Variants in C7 observed in about 807,000 individuals in gnomAD.
C7 encodes the protein complement C7, also known as complement component C7.
C7 carries 83 observed loss-of-function variants against 104.8 expected under a neutral mutation model. The observed-to-expected ratio is 0.79, with a 90% CI of 0.66 to 0.95. C7 has a LOEUF of 0.95. Ranked by LOEUF, C7 falls within the 40% of genes least tolerant of loss-of-function variation. C7 has a pLI of 0.00. For missense variants in C7, 1,070 were observed against 1,011.2 expected, an observed-to-expected ratio of 1.06 and a Z score of -0.79; for synonymous variants, 415 against 360.6, an observed-to-expected ratio of 1.15 and a Z score of -1.71.
intron 5 of C7, 69 bp from the exon 6 acceptor site, chr5:40,937,483 C>A (rs1739840350): frequency 3.3e-6 from 5 of 1,501,964 alleles, no homozygotes; most frequent in South Asian, 2.8e-5. Flanking sequence ...ACTTTTTTCC[C>A]CACCAAGTGC....
At chr5:40,969,250 TCAAA>T (rs1286501983) in intron 14 of C7, among the ~76,000 whole-genome samples, 2 of 120,802 alleles carry the variant, frequency 1.7e-5, no homozygotes, top group African/African-American at 7.3e-5. Flanking sequence ...ATCAATTACT[TCAAA>T]CATTTATGTT....
At chr5:40,952,120 A>G (rs1392168840) in intron 9 of C7, among the ~76,000 whole-genome samples, 1 of 152,248 alleles carries the variant, frequency 6.6e-6, no homozygotes, top group African/African-American at 2.4e-5. Context: ...CTGCTTACCA[A>G]TTTTATTTTA....
rs1429664375 is a variant in C7, at chr5:40,979,862, C to T, written c.2303C>T (p.Ser768Leu). Reference protein sequence around the residue: ...TGRDSCTLPASAEKACGACPL... With the variant: ...TGRDSCTLPALAEKACGACPL... ...AGGGACAGCTGTACTCTGCCTGCCT[C>T]AGCTGAGAAAGCTTGTGGTGCCTGC... is the stretch of plus-strand genomic sequence containing the variant. Residue 768 changes from serine to leucine, a missense_variant, in exon 17 of 18, where the codon TCA becomes TTA. Physicochemically the swap from Ser to Leu is moderately radical, Grantham distance 145. Transcript: ENST00000313164. The T allele has an allele frequency of 1.9e-6, 3 of 1,607,670 alleles. No individual in the cohort carries two copies. The highest frequency in any genetic ancestry group is 2.2e-5 in the East Asian group (1 of 44,760).
chr5:40,969,408 T>C (rs1740641118), intron 14 of C7, among the ~76,000 whole-genome samples: 1 of 150,124 alleles, frequency 6.7e-6, no homozygotes, highest in Admixed American at 6.7e-5. Flanking sequence ...TTTCTATTGT[T>C]TTTTTTGGTT....
Position 40,959,548 on chromosome 5 carries a change from G to A in C7, c.1589G>A (p.Gly530Glu), listed in dbSNP as rs1370769428. Residue 530 changes from glycine to glutamate, a missense_variant, in exon 12 of 18, where the codon GGG (glycine) becomes GAG (glutamate). Physicochemically the swap from Gly to Glu is moderately conservative, Grantham distance 98 (BLOSUM62 -2). Coordinates refer to ENST00000313164, the MANE Select transcript of C7 (RefSeq NM_000587.4). ...SRECNNPPPSGGGRSCVGETT... is the reference protein window; with the variant it reads ...SRECNNPPPSEGGRSCVGETT... ...GAATGCAATAACCCACCTCCCAGTG[G>A]GGGTGGGAGATCCTGCGTTGGAGAA... 2.5e-6 allele frequency: 4 copies of A among 1,611,078 alleles called. No individual in the cohort carries two copies. The highest frequency in any genetic ancestry group is 1.1e-5 in the South Asian group (1 of 90,706).
intron 1 of C7, among the ~76,000 whole-genome samples, chr5:40,918,057 T>G (rs2111615859): frequency 6.6e-6 from 1 of 152,218 alleles, no homozygotes; most frequent in South Asian, 2.1e-4. Flanking sequence ...GCAAAAATCT[T>G]TAGTAGAAGC....
Position 40,983,030 on chromosome 5 carries a change from A to G in C7, c.*1457A>G, listed in dbSNP as rs1740983746. 1 of 152,358 alleles carries G rather than the reference A, an allele frequency of 6.6e-6. No individual in the cohort carries two copies. The highest frequency in any genetic ancestry group is 2.4e-5 in the African/African-American group (1 of 41,460). The allele number at this position is 152,358 out of a possible 1,614,324, so 9.4% of individuals were successfully genotyped here. ...GCCTGAAGTTTTATGTCTGATCCAGATCTAGCTTTTTGTATCAAAGTGTGC... is the reference window on the plus strand; with the variant it reads ...GCCTGAAGTTTTATGTCTGATCCAGGTCTAGCTTTTTGTATCAAAGTGTGC... On this transcript the variant is annotated 3_prime_UTR_variant, in exon 18 of 18. Transcript: ENST00000313164.
Position 40,981,671 on chromosome 5 carries a change from TTC to T in C7, c.*101_*102del. The T allele has an allele frequency of 2.1e-6, 2 of 963,372 alleles. No homozygotes were observed. Among genetic ancestry groups the T allele is most frequent in the South Asian group, 3.6e-5 (2 of 55,812 alleles). 59.7% of individuals were successfully genotyped at this position (963,372 alleles called of 1,614,324 possible). A position where few individuals can be genotyped will look rare whatever the true frequency, so the allele number is the denominator to read the frequency against. ...CTGGGCACTGGACAGCTTTTCCTTC[TTC>T]TCCAGTGTCTACCTTCCTCCTCAAC... On this transcript the variant is annotated 3_prime_UTR_variant, in exon 18 of 18. Transcript: ENST00000313164.
chr5:40,969,389 G>A (rs1308554195), intron 14 of C7, among the ~76,000 whole-genome samples: 1 of 151,742 alleles, frequency 6.6e-6, no homozygotes, highest in African/African-American at 2.4e-5. Context: ...GTCTGTTACT[G>A]TAAGTCTGTT....
In C7 at chr5:40,979,622, T is replaced by C. The variant is rs1034264561; in HGVS notation, c.2166-103T>C. On this transcript the variant is annotated intron_variant, in intron 16 of 17. Coordinates refer to ENST00000313164, the MANE Select transcript of C7 (RefSeq NM_000587.4). ...TTTTTTTTTTTTTTACTGTGGGTGATAACATCTGGGGGCACTAAGCTCAGA... is the reference window on the plus strand; with the variant it reads ...TTTTTTTTTTTTTTACTGTGGGTGACAACATCTGGGGGCACTAAGCTCAGA... The C allele has an allele frequency of 1.4e-5, 10 of 736,572 alleles. No individual in the cohort carries two copies. The Admixed American group carries it at 2.2e-4, about 16-fold the overall frequency. 45.6% of individuals were successfully genotyped at this position (736,572 alleles called of 1,614,324 possible). A position where few individuals can be genotyped will look rare whatever the true frequency, so the allele number is the denominator to read the frequency against.
Position 40,947,840 on chromosome 5 carries a change from A to C in C7, c.977A>C (p.Gln326Pro). Reference protein sequence around the residue: ...LFYVDSEKLKQNDFNSVEEKK... With the variant: ...LFYVDSEKLKPNDFNSVEEKK... ...TATGTGGACTCAGAAAAATTAAAAC[A>C]AAATGGTACAGTATTAAAAAATTCG... Residue 326 changes from glutamine to proline, a missense_variant, in exon 8 of 18, where the codon CAA (glutamine) becomes CCA (proline). Transcript: ENST00000313164. 1 of 1,611,522 alleles carries C rather than the reference A, an allele frequency of 6.2e-7. No individual in the cohort carries two copies. The highest frequency in any genetic ancestry group is 2.2e-5 in the East Asian group (1 of 44,854).
intron 1 of C7, among the ~76,000 whole-genome samples, chr5:40,912,476 T>C (rs1352075695): frequency 2.0e-5 from 3 of 152,192 alleles, no homozygotes; most frequent in Non-Finnish European, 2.9e-5. Flanking sequence ...CATCCTGGGC[T>C]CAAGTGATCC....
At chr5:40,945,708 A>C (rs1740031479) in intron 7 of C7, among the ~76,000 whole-genome samples, 1 of 151,612 alleles carries the variant, frequency 6.6e-6, no homozygotes, top group Non-Finnish European at 1.5e-5. Context: ...CTATAAAAAC[A>C]CAAAAATTAG....
chr5:40,912,098 A>G lies in C7; in HGVS notation c.6+2482A>G, dbSNP rs919315849. 2.6e-5 allele frequency among the ~76,000 whole-genome samples: 4 copies of G among 152,120 alleles called. 1 individual carries two copies. The highest frequency in any genetic ancestry group is 9.7e-5 in the African/African-American group (4 of 41,416). ...TCTTTTATAGAGTCAGTTCAGATGT[A>G]TGTCTATCACTGTCATTCACATGAT... On this transcript the variant is annotated intron_variant, in intron 1 of 17. Coordinates refer to ENST00000313164, the MANE Select transcript of C7 (RefSeq NM_000587.4).
intron 1 of C7, among the ~76,000 whole-genome samples, chr5:40,923,241 TGTATTA>T (rs1362266562): frequency 6.6e-6 from 1 of 152,202 alleles, no homozygotes; most frequent in Non-Finnish European, 1.5e-5. Flanking sequence ...TATCACTAAT[TGTATTA>T]GGCCATTATT....
At chr5:40,919,778 G>C (rs1375306089) in intron 1 of C7, among the ~76,000 whole-genome samples, 1 of 151,992 alleles carries the variant, frequency 6.6e-6, no homozygotes, top group Non-Finnish European at 1.5e-5. Flanking sequence ...TAAAAATCTT[G>C]TTATCTTAAG....
chr5:40,932,278 C>G (rs1739702284), intron 3 of C7, among the ~76,000 whole-genome samples: 1 of 152,010 alleles, frequency 6.6e-6, no homozygotes, highest in Admixed American at 6.6e-5. Context: ...TATTTTTCCA[C>G]TTTTTTATTG....
chr5:40,913,772 T>C (rs1739259654), intron 1 of C7, among the ~76,000 whole-genome samples: 1 of 152,134 alleles, frequency 6.6e-6, no homozygotes, highest in African/African-American at 2.4e-5. Context: ...CTCCACCTCC[T>C]GGGTTCAAGC....
rs1739508622 is a variant in C7, at chr5:40,924,435, T to C, written c.7-4145T>C. On this transcript the variant is annotated intron_variant, in intron 1 of 17. Transcript: ENST00000313164. ...GGTTGGAGTTGAGTGCCTAAAGCTTTTCCAAGCTCAATATGCAAGCTACTG... is the reference window on the plus strand; with the variant it reads ...GGTTGGAGTTGAGTGCCTAAAGCTTCTCCAAGCTCAATATGCAAGCTACTG... 5.9e-5 allele frequency among the ~76,000 whole-genome samples: 9 copies of C among 152,316 alleles called. No homozygotes were observed. The South Asian group carries it at 1.9e-3, about 32-fold the overall frequency.
Sources: gnomAD v4.1 joint callset for allele counts (sites outside exome capture counted in the v4.1 genomes callset) on GRCh38, gnomAD v4.1.1 for gene constraint, MANE v1.5 for transcripts, NCBI Gene and HGNC (gene_info 2026-07-23, HGNC 2026-07-21) for gene names.